The following SCMH1 variants were observed in gnomAD, a reference collection of about 807,000 sequenced individuals.
SCMH1 encodes polycomb protein SCMH1.
A neutral mutation model predicts 70.8 loss-of-function variants in SCMH1; 37 were observed. That is an observed-to-expected ratio of 0.52 (90% CI 0.40 to 0.69). The LOEUF is 0.69. Ranked by LOEUF, SCMH1 falls within the 30% of genes least tolerant of loss-of-function variation. The pLI is 0.00. For missense variants in SCMH1, 607 were observed against 827.3 expected (o/e 0.73, Z 3.27); for synonymous variants, 292 against 307.4 (o/e 0.95, Z 0.52).
At chr1:41,172,195 A>AC (rs955521564) in intron 2 of SCMH1, among the ~76,000 whole-genome samples, 10 of 151,906 alleles carry the variant, frequency 6.6e-5, no homozygotes, top group African/African-American at 9.7e-5. Context: ...AAAAAAAAAA[A>AC]AAAAAACGCT....
In SCMH1 at chr1:41,176,447, C is replaced by T. The variant is rs1225328631; in HGVS notation, c.13+9674G>A. Among the ~76,000 whole-genome samples, 4 of 152,288 alleles carry T rather than the reference C, an allele frequency of 2.6e-5. No homozygotes were observed. The South Asian group carries it at 6.2e-4, about 24-fold the overall frequency. On this transcript the variant is annotated intron_variant, in intron 2 of 14. Coordinates refer to ENST00000337495, the Ensembl canonical transcript of SCMH1. ...GCACTGAGCATGAGCCGAAGCAGGG[C>T]GAGGCATCGCCTCACCTGGGAAGTG... is the stretch of plus-strand genomic sequence containing the variant.
chr1:41,037,664 C>T (rs1332534809), intron 12 of SCMH1, 123 bp from the exon 13 acceptor site: 1 of 785,626 alleles, frequency 1.3e-6, no homozygotes, highest in Non-Finnish European at 2.1e-6. Flanking sequence ...ACTCAGGAGG[C>T]CTGTGTACCA....
intron 10 of SCMH1, among the ~76,000 whole-genome samples, chr1:41,058,959 A>C (rs552096860): frequency 6.6e-6 from 1 of 152,204 alleles, no homozygotes; most frequent in Non-Finnish European, 1.5e-5. Flanking sequence ...ATAGACCTGA[A>C]GTTGCAGCTG....
intron 1 of SCMH1, among the ~76,000 whole-genome samples, chr1:41,218,757 C>T (rs1291554999): frequency 6.6e-6 from 1 of 152,180 alleles, no homozygotes; most frequent in African/African-American, 2.4e-5. Flanking sequence ...CTCATCACAA[C>T]CCCATGAGGA....
At chr1:41,142,829 C>A in intron 6 of SCMH1, 49 bp downstream of exon 6, 1 of 1,490,098 alleles carries the variant, frequency 6.7e-7, no homozygotes, top group Non-Finnish European at 9.3e-7. Flanking sequence ...AGTTTTTGGA[C>A]GCTAACTATT....
intron 2 of SCMH1, among the ~76,000 whole-genome samples, chr1:41,164,451 C>T (rs1046288367): frequency 5.0e-5 from 2 of 40,148 alleles, no homozygotes; most frequent in Non-Finnish European, 7.8e-5. Flanking sequence ...GACTTTAATT[C>T]AGATTCATTG....
chr1:41,097,194 A>G (rs1382205836), intron 8 of SCMH1, among the ~76,000 whole-genome samples: 1 of 152,192 alleles, frequency 6.6e-6, no homozygotes, highest in Non-Finnish European at 1.5e-5. Flanking sequence ...CATCTGGACA[A>G]CTAGTCTTCT....
intron 1 of SCMH1, among the ~76,000 whole-genome samples, chr1:41,200,995 C>T (rs1654236279): frequency 6.6e-6 from 1 of 152,074 alleles, no homozygotes; most frequent in Admixed American, 6.5e-5. Flanking sequence ...TTACAAGGGA[C>T]CAGAGATCTC....
rs753306667 is a variant in SCMH1, at chr1:41,070,756, T to A, written c.979-35A>T. The A allele has an allele frequency of 1.3e-5, 21 of 1,611,832 alleles. No homozygotes were observed. The South Asian group carries it at 2.2e-4, about 17-fold the overall frequency. On this transcript the variant is annotated intron_variant, in intron 9 of 14. Transcript: ENST00000337495. ...TGAATGGGAAAAAAATTGCTACCCA[T>A]GACAGGTCTTTTCATTCCCTATTCT...
chr1:41,120,735 A>G (rs1430170949), intron 6 of SCMH1, among the ~76,000 whole-genome samples: 2 of 152,204 alleles, frequency 1.3e-5, no homozygotes, highest in Non-Finnish European at 2.9e-5. Context: ...ATGAAGTACA[A>G]AGATCTTACA....
At chr1:41,057,927 C>T (rs995928364) in intron 10 of SCMH1, among the ~76,000 whole-genome samples, 1 of 151,872 alleles carries the variant, frequency 6.6e-6, no homozygotes, top group African/African-American at 2.4e-5. Flanking sequence ...TCAATATCAG[C>T]CTGGGCAACA....
At chr1:41,134,789 T>C (rs947665825) in intron 6 of SCMH1, among the ~76,000 whole-genome samples, 1 of 152,234 alleles carries the variant, frequency 6.6e-6, no homozygotes, top group African/African-American at 2.4e-5. Flanking sequence ...TTGTCTTCCA[T>C]GTATCTTCTA....
At chr1:41,039,986 TAAAAC>T (rs1483733883) in intron 12 of SCMH1, among the ~76,000 whole-genome samples, 5 of 150,640 alleles carry the variant, frequency 3.3e-5, no homozygotes, top group East Asian at 2.0e-4. Flanking sequence ...GTTCTACTGG[TAAAAC>T]AAAACAAACT....
chr1:41,211,133 A>G (rs1656917940), intron 1 of SCMH1, among the ~76,000 whole-genome samples: 2 of 152,132 alleles, frequency 1.3e-5, no homozygotes. Context: ...AAAACACCAA[A>G]AGCAATGGAA....
At chr1:41,054,773 C>A (rs1397997234) in intron 10 of SCMH1, among the ~76,000 whole-genome samples, 1 of 152,174 alleles carries the variant, frequency 6.6e-6, no homozygotes, top group Non-Finnish European at 1.5e-5. Flanking sequence ...AAGAAAGCCC[C>A]TCAAATTTCT....
intron 2 of SCMH1, among the ~76,000 whole-genome samples, chr1:41,166,484 A>G (rs1375132153): frequency 6.6e-6 from 1 of 152,078 alleles, no homozygotes; most frequent in African/African-American, 2.4e-5. Flanking sequence ...AACACTGGGT[A>G]TCTTTCCACT....
At chr1:41,181,360 A>C (rs571919371) in intron 2 of SCMH1, among the ~76,000 whole-genome samples, 1 of 152,338 alleles carries the variant, frequency 6.6e-6, no homozygotes, top group Non-Finnish European at 1.5e-5. Flanking sequence ...GATCTAATTA[A>C]ACTAAAGAGC....
At chr1:41,057,520 G>A (rs1481693450) in intron 10 of SCMH1, among the ~76,000 whole-genome samples, 1 of 152,030 alleles carries the variant, frequency 6.6e-6, no homozygotes, top group African/African-American at 2.4e-5. Context: ...AAAGTACTGG[G>A]ATCACAGGCG....
At chr1:41,067,375 TG>T (rs1280913693) in intron 10 of SCMH1, among the ~76,000 whole-genome samples, 2 of 141,758 alleles carry the variant, frequency 1.4e-5, no homozygotes, top group African/African-American at 5.3e-5. Flanking sequence ...ACCTGGGAGG[TG>T]AAGGTTGCAG....
Sources: gnomAD v4.1 joint callset for allele counts (sites outside exome capture counted in the v4.1 genomes callset) on GRCh38, gnomAD v4.1.1 for gene constraint, MANE v1.5 for transcripts, NCBI Gene and HGNC (gene_info 2026-07-23, HGNC 2026-07-21) for gene names.